The following EGLN3 variants were observed in gnomAD, a reference collection of about 807,000 sequenced individuals.
The protein encoded by EGLN3 is prolyl hydroxylase EGLN3.
A neutral mutation model predicts 26.0 loss-of-function variants in EGLN3; 15 were observed. The observed-to-expected ratio is 0.58, with a 90% CI of 0.39 to 0.89. The LOEUF (loss-of-function observed/expected upper bound fraction) is 0.89. EGLN3 is among the 40% of genes least tolerant of loss of function. The pLI, the probability that EGLN3 is intolerant of heterozygous loss-of-function variation, is 0.00. For missense variants in EGLN3, 238 were observed against 311.6 expected, an observed-to-expected ratio of 0.76 and a Z score of 1.78; for synonymous variants, 147 against 127.2, an observed-to-expected ratio of 1.16 and a Z score of -1.05.
intron 2 of EGLN3, among the ~76,000 whole-genome samples, chr14:33,930,766 C>T (rs921724014): frequency 6.6e-6 from 1 of 152,126 alleles, no homozygotes; most frequent in Non-Finnish European, 1.5e-5. Context: ...ATATCCTATT[C>T]TGCATTGAGT....
chr14:33,937,810 T>C (rs1311668491), intron 1 of EGLN3, among the ~76,000 whole-genome samples: 1 of 152,160 alleles, frequency 6.6e-6, no homozygotes, highest in African/African-American at 2.4e-5. Flanking sequence ...CACCTGAATT[T>C]TCTAATATTG....
At chr14:33,931,876 G>C (rs1680701) in intron 1 of EGLN3, among the ~76,000 whole-genome samples, 144,382 of 152,104 alleles carry the variant, frequency 0.95, 68,691 homozygotes, top group Non-Finnish European at 0.98. Flanking sequence ...TGATAATTAT[G>C]TAATCAGGTG....
At chr14:33,937,284 G>A (rs1028642497) in intron 1 of EGLN3, among the ~76,000 whole-genome samples, 2 of 152,144 alleles carry the variant, frequency 1.3e-5, no homozygotes, top group African/African-American at 2.4e-5. Context: ...TCACCTAGAC[G>A]GGCATGAAGA....
intron 3 of EGLN3, among the ~76,000 whole-genome samples, chr14:33,928,727 C>T (rs1185539860): frequency 2.0e-5 from 3 of 151,694 alleles, no homozygotes; most frequent in Non-Finnish European, 4.4e-5. Flanking sequence ...TATGTGACAG[C>T]CAACATTCTC....
rs2064353361 is a variant in EGLN3 at position 33,925,220 on chromosome 14, T to C, written c.*671A>G. On this transcript the variant is annotated 3_prime_UTR_variant, in exon 5 of 5. Coordinates refer to ENST00000250457, the MANE Select transcript of EGLN3 (RefSeq NM_022073.4). ...ACTGAAAATGGAGAAAAAATTGTGT[T>C]GCCATCTTTATTCAGAAAGTCATTA... The C allele has an allele frequency of 6.6e-6, 1 of 152,210 alleles. No homozygotes were observed. The allele number at this position is 152,210 out of a possible 1,614,324, so 9.4% of individuals were successfully genotyped here. A position where few individuals can be genotyped will look rare whatever the true frequency, so the allele number is the denominator to read the frequency against.
At chr14:33,942,548 T>C (rs1369205410) in intron 1 of EGLN3, among the ~76,000 whole-genome samples, 1 of 152,128 alleles carries the variant, frequency 6.6e-6, no homozygotes, top group Admixed American at 6.5e-5. Flanking sequence ...AAACAGTATA[T>C]CCTTACAGCT....
rs1406200653 is a variant in EGLN3 at position 33,925,138 on chromosome 14, C to T, written c.*753G>A. On this transcript the variant is annotated 3_prime_UTR_variant, in exon 5 of 5. Coordinates refer to ENST00000250457, the MANE Select transcript of EGLN3 (RefSeq NM_022073.4). Reference sequence around the variant, plus strand: ...TTTAAATTCCATTCCAACAAAGCAACCAAAACAACTAATGTCTAGTTTTTT... The same window carrying T: ...TTTAAATTCCATTCCAACAAAGCAATCAAAACAACTAATGTCTAGTTTTTT... The T allele has an allele frequency of 6.6e-6, 1 of 152,054 alleles. No homozygotes were observed. The highest frequency in any genetic ancestry group is 1.5e-5 in the Non-Finnish European group (1 of 68,022). The allele number at this position is 152,054 out of a possible 1,614,324, so 9.4% of individuals were successfully genotyped here. A position where few individuals can be genotyped will look rare whatever the true frequency, so the allele number is the denominator to read the frequency against.
chr14:33,939,515 A>AATC (rs10669662), intron 1 of EGLN3, among the ~76,000 whole-genome samples: 80,705 of 151,812 alleles, frequency 0.53, 21,511 homozygotes, highest in East Asian at 0.55. Flanking sequence ...CGGCCGAAAC[A>AATC]ATCTTAAAAC....
Position 33,925,613 on chromosome 14 carries a change from A to G in EGLN3, c.*278T>C, listed in dbSNP as rs1566595762. ...GCTCCTAGGCTCTTCTCTTGATAGT[A>G]TTACCGAATCTATCAGGTAAACCGC... On this transcript the variant is annotated 3_prime_UTR_variant, in exon 5 of 5. Transcript: ENST00000250457. 2.2e-6 allele frequency: 1 copy of G among 459,078 alleles called. No individual in the cohort carries two copies. Among genetic ancestry groups the G allele is most frequent in the Non-Finnish European group, 4.0e-6 (1 of 252,598 alleles). 28.4% of individuals were successfully genotyped at this position (459,078 alleles called of 1,614,324 possible). A position where few individuals can be genotyped will look rare whatever the true frequency, so the allele number is the denominator to read the frequency against.
chr14:33,950,738 G>C lies in EGLN3; in HGVS notation c.15C>G (p.His5Gln). 1 of 1,610,976 alleles carries C rather than the reference G, an allele frequency of 6.2e-7. No homozygotes were observed. The highest frequency in any genetic ancestry group is 1.3e-5 in the African/African-American group (1 of 74,956). Residue 5 changes from histidine to glutamine, a missense_variant, in exon 1 of 5, where the codon CAC (histidine) becomes CAG (glutamine). By Grantham distance (24) the His-to-Gln change is conservative. Transcript: ENST00000250457. The part of the protein sequence containing the change: MPLG[H>Q]IMRLDLEKIA... ...TTTTCTCCAGGTCCAGCCTCATGAT[G>C]TGTCCCAGGGGCATCTCGCCCGCAG...
chr14:33,931,069 C>T (rs747287486), intron 2 of EGLN3, 27 bp downstream of exon 2: 3 of 1,613,456 alleles, frequency 1.9e-6, no homozygotes, highest in East Asian at 2.2e-5. Context: ...TCTAACCCCA[C>T]ACTCTACTCC....
At chr14:33,928,975 G>T in intron 3 of EGLN3, 101 bp downstream of exon 3, 1 of 1,437,556 alleles carries the variant, frequency 7.0e-7, no homozygotes, top group Non-Finnish European at 9.4e-7. Flanking sequence ...TATGGGGTGT[G>T]GTCAATCCCC....
chr14:33,947,293 T>A (rs570132967), intron 1 of EGLN3, among the ~76,000 whole-genome samples: 5 of 152,252 alleles, frequency 3.3e-5, no homozygotes, highest in Admixed American at 3.3e-4. Flanking sequence ...TGCTTGAAGT[T>A]AGGGGGGGCC....
At chr14:33,928,180 G>A (rs150974036) in intron 3 of EGLN3, among the ~76,000 whole-genome samples, 11 of 152,216 alleles carry the variant, frequency 7.2e-5, no homozygotes, top group African/African-American at 1.7e-4. Context: ...GGTAGAATTC[G>A]TTCCCTGCTC....
chr14:33,943,538 A>T (rs1198741728), intron 1 of EGLN3, among the ~76,000 whole-genome samples: 1 of 152,208 alleles, frequency 6.6e-6, no homozygotes, highest in Non-Finnish European at 1.5e-5. Context: ...CTTCTCCATA[A>T]TGTTAACCTG....
At chr14:33,940,869 A>G (rs1291930777) in intron 1 of EGLN3, among the ~76,000 whole-genome samples, 1 of 152,188 alleles carries the variant, frequency 6.6e-6, no homozygotes, top group African/African-American at 2.4e-5. Flanking sequence ...AAACTTTCCA[A>G]TTGTAACTTT....
At chr14:33,947,883 C>G (rs947033636) in intron 1 of EGLN3, among the ~76,000 whole-genome samples, 3 of 152,090 alleles carry the variant, frequency 2.0e-5, no homozygotes, top group African/African-American at 7.2e-5. Flanking sequence ...AACCCCGTCT[C>G]TACTAAAAAT....
At chr14:33,935,586 TACACACACACAC>T (rs34931469) in intron 1 of EGLN3, among the ~76,000 whole-genome samples, 19 of 146,902 alleles carry the variant, frequency 1.3e-4, no homozygotes, top group South Asian at 6.7e-4. Flanking sequence ...TATAAATAAA[TACACACACACAC>T]ACACACACAC....
intron 1 of EGLN3, among the ~76,000 whole-genome samples, chr14:33,947,534 A>C (rs1482757592): frequency 6.6e-6 from 1 of 152,218 alleles, no homozygotes; most frequent in Non-Finnish European, 1.5e-5. Flanking sequence ...ATAAAGGGCA[A>C]TATTATTCAA....
Sources: allele counts gnomAD v4.1 joint callset (sites outside exome capture counted in the v4.1 genomes callset), GRCh38; gene constraint gnomAD v4.1.1; transcripts MANE v1.5; gene names NCBI Gene and HGNC (gene_info 2026-07-23, HGNC 2026-07-21).